The following PKHD1 variants were observed in gnomAD, a reference collection of about 807,000 sequenced individuals.
The protein encoded by PKHD1 is PKHD1 ciliary IPT domain containing fibrocystin/polyductin.
In PKHD1, 291 loss-of-function variants were observed where a neutral mutation model predicts 412.0. The ratio of observed to expected loss-of-function variants is 0.71; its 90% confidence interval spans 0.64 to 0.78. PKHD1 has a LOEUF of 0.78. PKHD1 is among the 30% of genes least tolerant of loss of function. The probability of loss-of-function intolerance (pLI) is 0.00; values close to 1 mark genes in which losing one functional copy is unlikely to be tolerated. For synonymous variants in PKHD1, 1,777 were observed against 1,821.5 expected (o/e 0.98, Z 0.62); for missense variants, 4,825 against 4,950.7 (o/e 0.97, Z 0.76).
chr6:51,955,929 A>G (rs1203827260), intron 36 of PKHD1, among the ~76,000 whole-genome samples: 1 of 152,104 alleles, frequency 6.6e-6, no homozygotes, highest in Non-Finnish European at 1.5e-5. Context: ...TATGAAAAAG[A>G]TAGTAACTAA....
chr6:51,690,013 C>T (rs1422573294), intron 60 of PKHD1, among the ~76,000 whole-genome samples: 1 of 152,092 alleles, frequency 6.6e-6, no homozygotes, highest in African/African-American at 2.4e-5. Flanking sequence ...GTGGCTCACG[C>T]CTGTAATCCC....
rs533911017 is a variant in PKHD1 at position 51,934,764 on chromosome 6, G to GTGGCATTTT, written c.5909-443_5909-442insAAAATGCCA. On this transcript the variant is annotated intron_variant, in intron 36 of 66. Transcript: ENST00000371117. ...AACTAGGGCTAACACTGTGGCATTT[G>GTGGCATTTT]TAGCATTTTAGCTGACCAGCATCCA... Among the ~76,000 whole-genome samples, 789 of 152,244 alleles carry GTGGCATTTT rather than the reference G, an allele frequency of 5.2e-3. 7 individuals carry two copies. The highest frequency in any genetic ancestry group is 0.018 in the African/African-American group (756 of 41,552).
intron 27 of PKHD1, among the ~76,000 whole-genome samples, chr6:52,040,675 T>C (rs899434717): frequency 2.0e-5 from 3 of 152,212 alleles, no homozygotes; most frequent in African/African-American, 7.2e-5. Context: ...TTTTTGTTCC[T>C]TGATGTTCCT....
At chr6:52,008,818 C>T (rs546451313) in intron 35 of PKHD1, among the ~76,000 whole-genome samples, 1 of 152,180 alleles carries the variant, frequency 6.6e-6, no homozygotes, top group South Asian at 2.1e-4. Flanking sequence ...TGCCTAAAGT[C>T]CCCCAAGAAG....
At chr6:52,027,209 G>A (rs1019253663) in intron 31 of PKHD1, among the ~76,000 whole-genome samples, 1 of 152,084 alleles carries the variant, frequency 6.6e-6, no homozygotes, top group Non-Finnish European at 1.5e-5. Context: ...TCACCCATCA[G>A]ACGTTTCATC....
At position 52,056,992 on chromosome 6, in the gene PKHD1, A is replaced by G; in HGVS notation, c.1513-13T>C. ...ATACATTCAGCACCTAAAAAAGTCA[A>G]GACAGACAAGACTAAATGATGGTGC... On this transcript the variant is annotated splice_polypyrimidine_tract_variant and intron_variant, in intron 16 of 66. Transcript: ENST00000371117. 1 of 1,547,586 alleles carries G rather than the reference A, an allele frequency of 6.5e-7. No individual in the cohort carries two copies. Among genetic ancestry groups the G allele is most frequent in the Non-Finnish European group, 8.9e-7 (1 of 1,119,230 alleles).
Position 51,961,380 on chromosome 6 carries a change from A to G in PKHD1, c.5752-1354T>C, listed in dbSNP as rs188098429. ...TCGTTTTCTACATCTGCAAAGAAGTAAAAGTCTATGACTCATCACAATTTA... is the reference window on the plus strand; with the variant it reads ...TCGTTTTCTACATCTGCAAAGAAGTGAAAGTCTATGACTCATCACAATTTA... On this transcript the variant is annotated intron_variant, in intron 35 of 66. Coordinates refer to ENST00000371117, the MANE Select transcript of PKHD1 (RefSeq NM_138694.4). Among the ~76,000 whole-genome samples the G allele has an allele frequency of 1.4e-3, 211 of 152,280 alleles. 5 individuals are homozygous for G. Among genetic ancestry groups the G allele is most frequent in the African/African-American group, 4.7e-3 (197 of 41,574 alleles).
chr6:51,841,440 C>T (rs1001454838), intron 50 of PKHD1, among the ~76,000 whole-genome samples: 7 of 152,060 alleles, frequency 4.6e-5, no homozygotes, highest in Non-Finnish European at 7.4e-5. Context: ...TCTCTTCCTG[C>T]CTTTTCCTTT....
At chr6:51,717,149 C>A (rs1168955725) in intron 60 of PKHD1, among the ~76,000 whole-genome samples, 2 of 152,202 alleles carry the variant, frequency 1.3e-5, no homozygotes, top group East Asian at 1.9e-4. Context: ...CAATGGCTCA[C>A]GCCTGTAATC....
rs562939539 is a variant in PKHD1 at position 51,766,615 on chromosome 6, A to ATATTTTTATTTTTTTTTTT, written c.8642+6086_8642+6087insAAAAAAAAAAATAAAAATA. Among the ~76,000 whole-genome samples, 582 of 151,038 alleles carry ATATTTTTATTTTTTTTTTT rather than the reference A, an allele frequency of 3.9e-3. 3 individuals carry two copies. The highest frequency in any genetic ancestry group is 7.9e-3 in the African/African-American group (326 of 41,376). On this transcript the variant is annotated intron_variant, in intron 55 of 66. Transcript: ENST00000371117. Reference sequence around the variant, plus strand: ...TCACAAATATGTTTCTGGTGTATTCATATTTTTATTTTCATTCTTGACATA... The same window carrying ATATTTTTATTTTTTTTTTT: ...TCACAAATATGTTTCTGGTGTATTCATATTTTTATTTTTTTTTTTTATTTTTATTTTCATTCTTGACATA...
intron 35 of PKHD1, among the ~76,000 whole-genome samples, chr6:51,970,338 T>C (rs1035938177): frequency 2.6e-5 from 4 of 152,242 alleles, no homozygotes; most frequent in Non-Finnish European, 5.9e-5. Context: ...TCCTTGCAGA[T>C]ACTGGATATT....
At chr6:52,007,034 T>G (rs1799170343) in intron 35 of PKHD1, among the ~76,000 whole-genome samples, 1 of 152,254 alleles carries the variant, frequency 6.6e-6, no homozygotes. Context: ...TTCCTTTTTA[T>G]AGCTGAGTAG....
intron 40 of PKHD1, 100 bp downstream of exon 40, chr6:51,909,183 C>A (rs184675596): frequency 1.1e-6 from 1 of 924,014 alleles, no homozygotes; most frequent in Non-Finnish European, 1.8e-6. Context: ...ATCTCTAAAT[C>A]CCTCAAATCC....
Position 51,864,648 on chromosome 6 carries a change from G to A in PKHD1, c.7733+3215C>T, listed in dbSNP as rs374423492. 2.3e-4 allele frequency among the ~76,000 whole-genome samples: 35 copies of A among 152,138 alleles called. No individual in the cohort carries two copies. In the East Asian group the frequency reaches 5.0e-3, roughly 22 times the overall value. On this transcript the variant is annotated intron_variant, in intron 48 of 66. Coordinates refer to ENST00000371117, the MANE Select transcript of PKHD1 (RefSeq NM_138694.4). ...AGAAAAAAATCATAAATCCCATTTTGGCAAGTTGAGTTTTAGAGTAGCCAC... is the reference window on the plus strand; with the variant it reads ...AGAAAAAAATCATAAATCCCATTTTAGCAAGTTGAGTTTTAGAGTAGCCAC...
intron 60 of PKHD1, among the ~76,000 whole-genome samples, chr6:51,668,617 T>G (rs997172781): frequency 1.3e-5 from 2 of 152,196 alleles, no homozygotes; most frequent in Non-Finnish European, 2.9e-5. Context: ...CATCCCTGTC[T>G]TGTGCCAGTT....
At chr6:51,762,663 A>T (rs116808681) in intron 55 of PKHD1, among the ~76,000 whole-genome samples, 3,411 of 150,754 alleles carry the variant, frequency 0.023, 102 homozygotes, top group African/African-American at 0.072. Flanking sequence ...ATATATATAT[A>T]TATTTTCAGG....
intron 60 of PKHD1, among the ~76,000 whole-genome samples, chr6:51,680,111 C>G (rs1776436228): frequency 6.6e-6 from 1 of 151,896 alleles, no homozygotes. Context: ...AGGCTCAGAA[C>G]AGTATCTAAA....
At chr6:51,623,355 A>C (rs1418627997) in intron 66 of PKHD1, among the ~76,000 whole-genome samples, 1 of 152,108 alleles carries the variant, frequency 6.6e-6, no homozygotes, top group African/African-American at 2.4e-5. Flanking sequence ...ACTTTTTTCA[A>C]GGCAGTATAT....
At chr6:51,847,587 A>T (rs2151626083) in intron 50 of PKHD1, among the ~76,000 whole-genome samples, 188 bp downstream of exon 50, 1 of 152,270 alleles carries the variant, frequency 6.6e-6, no homozygotes, top group East Asian at 1.9e-4. Context: ...TGTGTATGCT[A>T]GCTGGTGAGT....
Sources: gnomAD v4.1 joint callset for allele counts (sites outside exome capture counted in the v4.1 genomes callset) on GRCh38, gnomAD v4.1.1 for gene constraint, MANE v1.5 for transcripts, NCBI Gene and HGNC (gene_info 2026-07-23, HGNC 2026-07-21) for gene names.